TOP1MT: variants seen among roughly 807,000 people sequenced by gnomAD.
TOP1MT encodes the protein DNA topoisomerase I mitochondrial, also known as DNA topoisomerase I, mitochondrial.
A neutral mutation model predicts 73.9 loss-of-function variants in TOP1MT; 80 were observed. The observed-to-expected ratio is 1.08, with a 90% confidence interval of 0.90 to 1.30. The LOEUF (loss-of-function observed/expected upper bound fraction) is 1.30. TOP1MT is among the 50% of genes most tolerant of loss of function. The pLI is 0.00. For synonymous variants in TOP1MT, 338 were observed against 326.4 expected (o/e 1.04, Z -0.38); for missense variants, 815 against 808.0 (o/e 1.01, Z -0.10).
At chr8:143,325,310 G>C (rs769805238) in intron 5 of TOP1MT, 36 bp downstream of exon 5, 17 of 1,560,284 alleles carry the variant, frequency 1.1e-5, no homozygotes, top group Non-Finnish European at 1.5e-5. Flanking sequence ...GGTGGCGGGG[G>C]TCCAGTGCCC....
intron 2 of TOP1MT, among the ~76,000 whole-genome samples, chr8:143,342,775 T>TATTA (rs1817147279): frequency 2.3e-5 from 1 of 43,502 alleles, no homozygotes; most frequent in Non-Finnish European, 7.1e-5. Context: ...AGAGTCTTGC[T>TATTA]CTATTATTAT....
chr8:143,354,908 A>G (rs1285183102), intron 1 of TOP1MT, among the ~76,000 whole-genome samples: 1 of 152,192 alleles, frequency 6.6e-6, no homozygotes, highest in African/African-American at 2.4e-5. Flanking sequence ...CAGAACAAAA[A>G]GAAAAGAAAA....
upstream of TOP1MT, among the ~76,000 whole-genome samples, chr8:143,349,352 T>C (rs923011019): frequency 1.6e-5 from 2 of 122,280 alleles, no homozygotes; most frequent in Non-Finnish European, 3.2e-5. Context: ...AATGACCTGC[T>C]GCAACCTTAC....
At chr8:143,313,290 C>G (rs1352115745) in intron 12 of TOP1MT, among the ~76,000 whole-genome samples, 1 of 152,184 alleles carries the variant, frequency 6.6e-6, no homozygotes, top group Non-Finnish European at 1.5e-5. Flanking sequence ...GTTGCTCACA[C>G]CTGTAATCCC....
chr8:143,324,501 G>C lies in TOP1MT; in HGVS notation c.800C>G (p.Pro267Arg). ...TGCGCTCACCTTCAGCTTCGAGCAA[G>C]GGTTCAGCATGATGTACTTGATGGA... ...QNSIKYIMLN[P>R]CSKLKGETAW... The change falls in exon 6 of 14, where the codon CCT (proline) becomes CGT (arginine). Residue 267 changes from proline (P) to arginine (R), a missense_variant. By Grantham distance (103) the Pro-to-Arg change is moderately radical. Around this residue, in one of 3 missense-constraint regions of TOP1MT, gnomAD observed 751 missense variants for 725.4 expected, o/e 1.04. Coordinates refer to ENST00000329245, the MANE Select transcript of TOP1MT (RefSeq NM_052963.3). 1 of 1,613,758 alleles carries C rather than the reference G, an allele frequency of 6.2e-7. No individual in the cohort carries two copies. Among genetic ancestry groups the C allele is most frequent in the East Asian group, 2.2e-5 (1 of 44,662 alleles).
At chr8:143,316,998 T>C (rs1816182058) in intron 10 of TOP1MT, among the ~76,000 whole-genome samples, 1 of 152,196 alleles carries the variant, frequency 6.6e-6, no homozygotes, top group African/African-American at 2.4e-5. Flanking sequence ...GCTCCAAGGT[T>C]GTCCCCAGGG....
intron 1 of TOP1MT, among the ~76,000 whole-genome samples, chr8:143,332,162 C>G (rs1816875343): frequency 6.6e-6 from 1 of 152,270 alleles, no homozygotes; most frequent in Non-Finnish European, 1.5e-5. Flanking sequence ...AAGCCCAAGC[C>G]TGCCCTGAAC....
At chr8:143,315,873 CCT>C (rs753956258) in intron 11 of TOP1MT, 52 bp from the exon 12 acceptor site, 61 of 1,606,550 alleles carry the variant, frequency 3.8e-5, no homozygotes, top group South Asian at 7.7e-5. Flanking sequence ...CGCACCAGCC[CCT>C]GTGCCCACAC....
upstream of TOP1MT, among the ~76,000 whole-genome samples, chr8:143,337,024 T>G (rs1333674592): frequency 6.6e-6 from 1 of 152,094 alleles, no homozygotes; most frequent in East Asian, 1.9e-4. Flanking sequence ...ACAAAGGAAG[T>G]ATCAAGCTTA....
At chr8:143,358,012 A>G (rs1472152445), upstream of TOP1MT, among the ~76,000 whole-genome samples, 1 of 152,180 alleles carries the variant, frequency 6.6e-6, no homozygotes, top group Non-Finnish European at 1.5e-5. Context: ...ACTTGGGCCC[A>G]AGGGTTTGAG....
rs552457516 is a variant in TOP1MT, at chr8:143,312,998, A to G, written c.1553+2729T>C. On this transcript the variant is annotated intron_variant, in intron 12 of 13. Transcript: ENST00000329245. Reference sequence around the variant, plus strand: ...GAGGCTGAGGCGGGAGGATTGCTTGAGCCCAGCAAGTTGAGACTATGGTGA... The same window carrying G: ...GAGGCTGAGGCGGGAGGATTGCTTGGGCCCAGCAAGTTGAGACTATGGTGA... Among the ~76,000 whole-genome samples, 16 of 152,296 alleles carry G rather than the reference A, an allele frequency of 1.1e-4. No individual in the cohort carries two copies. In the East Asian group the frequency reaches 2.5e-3, roughly 24 times the overall value.
At position 143,318,103 on chromosome 8, in the gene TOP1MT, G is replaced by C; in HGVS notation, c.1147-17C>G. 6.2e-7 allele frequency: 1 copy of C among 1,613,086 alleles called. No homozygotes were observed. Among genetic ancestry groups the C allele is most frequent in the East Asian group, 2.2e-5 (1 of 44,868 alleles). On this transcript the variant is annotated splice_polypyrimidine_tract_variant and intron_variant, in intron 8 of 13. Transcript: ENST00000329245. ...CTTGTACACCTGAAGGAGAAAGAAGGAATTTCAGAGGACAGAAAAAACCCG... is the reference window on the plus strand; with the variant it reads ...CTTGTACACCTGAAGGAGAAAGAAGCAATTTCAGAGGACAGAAAAAACCCG...
intron 2 of TOP1MT, among the ~76,000 whole-genome samples, chr8:143,342,747 G>GTTATTA (rs757521292): frequency 1.0e-5 from 1 of 96,322 alleles, no homozygotes; most frequent in Non-Finnish European, 2.4e-5. Context: ...GTCTCGCTCT[G>GTTATTA]TTATTATTAT....
chr8:143,313,731 T>C (rs1586748126), intron 12 of TOP1MT, among the ~76,000 whole-genome samples: 1 of 151,514 alleles, frequency 6.6e-6, no homozygotes, highest in South Asian at 2.1e-4. Flanking sequence ...GGCGGGTGCC[T>C]GTAATCCCAG....
At chr8:143,319,933 G>A (rs1274853636) in intron 8 of TOP1MT, among the ~76,000 whole-genome samples, 1 of 151,682 alleles carries the variant, frequency 6.6e-6, no homozygotes, top group African/African-American at 2.4e-5. Context: ...ACACCAGCCT[G>A]GCCAACATGG....
At chr8:143,338,309 T>C (rs1020027057), upstream of TOP1MT, among the ~76,000 whole-genome samples, 1 of 152,130 alleles carries the variant, frequency 6.6e-6, no homozygotes, top group African/African-American at 2.4e-5. Flanking sequence ...GGCTCACGCC[T>C]GTAATCTCAG....
At chr8:143,317,249 G>A (rs2272638) in intron 10 of TOP1MT, among the ~76,000 whole-genome samples, 79,587 of 152,022 alleles carry the variant, frequency 0.52, 21,772 homozygotes, top group East Asian at 0.76. Flanking sequence ...AGAGGCCCTC[G>A]CCAAGCTTAG....
chr8:143,354,712 C>CA lies in TOP1MT; in HGVS notation c.-39+1252dup, dbSNP rs35838737. On this transcript the variant is annotated intron_variant, in intron 1 of 5. Coordinates refer to the TOP1MT transcript ENST00000518760. ...GGGCAGCAAGAGTGAAACTCCATTT[C>CA]AAAAAAAAAAAAAGAAAAACTTTAG... is the stretch of plus-strand genomic sequence containing the variant. 5.5e-3 allele frequency among the ~76,000 whole-genome samples: 695 copies of CA among 127,162 alleles called. 6 individuals carry two copies. The highest frequency in any genetic ancestry group is 0.016 in the African/African-American group (600 of 37,252). The allele number at this position is 127,162 out of a possible 152,430, so 83.4% of individuals were successfully genotyped here.
At chr8:143,326,452 G>A (rs1380005319) in intron 3 of TOP1MT, 108 bp from the exon 4 acceptor site, 2 of 1,481,050 alleles carry the variant, frequency 1.4e-6, no homozygotes, top group African/African-American at 1.4e-5. Flanking sequence ...GTCCGACGGA[G>A]GCGTGTGTGC....
Sources: allele counts gnomAD v4.1 joint callset (sites outside exome capture counted in the v4.1 genomes callset), GRCh38; gene constraint gnomAD v4.1.1; regional missense constraint gnomAD v4.1.1; transcripts MANE v1.5; gene names NCBI Gene and HGNC (gene_info 2026-07-23, HGNC 2026-07-21).